The following AGBL4 variants were observed in gnomAD, a reference collection of about 807,000 sequenced individuals.
AGBL4 encodes cytosolic carboxypeptidase 6.
AGBL4 carries 58 observed loss-of-function variants against 66.4 expected under a neutral mutation model. That is an observed-to-expected ratio of 0.87 (90% confidence interval 0.71 to 1.09). The LOEUF is 1.09. Among genes scored for constraint, AGBL4 ranks in the 50% least tolerant of loss-of-function variants. The pLI is 0.00. For missense variants in AGBL4, 579 were observed against 631.0 expected (o/e 0.92, Z 0.88); for synonymous variants, 234 against 222.9 (o/e 1.05, Z -0.44).
chr1:48,975,773 A>T (rs80252829), intron 5 of AGBL4, among the ~76,000 whole-genome samples: 5,673 of 152,240 alleles, frequency 0.037, 148 homozygotes, highest in Non-Finnish European at 0.059. Context: ...TTCCTGCAGC[A>T]CTGTTTCTTT....
intron 5 of AGBL4, among the ~76,000 whole-genome samples, chr1:49,004,788 G>C (rs1571207956): frequency 6.6e-6 from 1 of 152,282 alleles, no homozygotes; most frequent in East Asian, 1.9e-4. Flanking sequence ...GAAATTCTTA[G>C]ACAACTTCAC....
At chr1:49,185,991 T>C (rs891994801) in intron 4 of AGBL4, among the ~76,000 whole-genome samples, 2 of 152,116 alleles carry the variant, frequency 1.3e-5, no homozygotes, top group African/African-American at 2.4e-5. Context: ...GCTCTCTGTA[T>C]ACACTCCTGC....
intron 2 of AGBL4, among the ~76,000 whole-genome samples, chr1:49,748,781 G>A (rs1227869473): frequency 1.3e-5 from 2 of 151,458 alleles, no homozygotes; most frequent in Non-Finnish European, 2.9e-5. Flanking sequence ...TTTTTCACAT[G>A]TTTGTTGGCT....
At chr1:49,885,358 T>C (rs534966307) in intron 1 of AGBL4, among the ~76,000 whole-genome samples, 1 of 152,136 alleles carries the variant, frequency 6.6e-6, no homozygotes, top group African/African-American at 2.4e-5. Flanking sequence ...GAAGATAATC[T>C]ATATGTTTGG....
intron 3 of AGBL4, among the ~76,000 whole-genome samples, chr1:49,405,046 A>G (rs1570637021): frequency 6.6e-6 from 1 of 152,188 alleles, no homozygotes; most frequent in East Asian, 1.9e-4. Flanking sequence ...GGAATGCTCA[A>G]CTTCCCTTTT....
chr1:48,722,452 A>T (rs1647167102), intron 6 of AGBL4, among the ~76,000 whole-genome samples: 1 of 152,100 alleles, frequency 6.6e-6, no homozygotes, highest in Non-Finnish European at 1.5e-5. Flanking sequence ...GCAGGTCAGT[A>T]TGACTACCCA....
chr1:49,757,079 T>A (rs1651942251), intron 2 of AGBL4, among the ~76,000 whole-genome samples: 1 of 152,068 alleles, frequency 6.6e-6, no homozygotes, highest in African/African-American at 2.4e-5. Flanking sequence ...TGGGGGCAGT[T>A]CCCTCATGCT....
At chr1:49,844,991 G>A (rs561037631) in intron 2 of AGBL4, 2 of 1,393,860 alleles carry the variant, frequency 1.4e-6, no homozygotes, top group African/African-American at 1.4e-5. Flanking sequence ...GAACAACAAG[G>A]CCCCCACACG....
chr1:49,394,037 C>A (rs762310878), intron 3 of AGBL4, among the ~76,000 whole-genome samples: 2 of 151,856 alleles, frequency 1.3e-5, no homozygotes, highest in Non-Finnish European at 2.9e-5. Flanking sequence ...ATCAAATTTC[C>A]CTTTTGATCT....
At chr1:49,627,141 C>G (rs893198290) in intron 3 of AGBL4, among the ~76,000 whole-genome samples, 4 of 152,058 alleles carry the variant, frequency 2.6e-5, no homozygotes, top group African/African-American at 9.7e-5. Flanking sequence ...ATGGCCACTT[C>G]TGAAGCCTGT....
intron 9 of AGBL4, among the ~76,000 whole-genome samples, chr1:48,598,262 T>C (rs1021891215): frequency 6.6e-6 from 1 of 152,158 alleles, no homozygotes; most frequent in South Asian, 2.1e-4. Context: ...AATGAGGCAG[T>C]TGAGACAGTT....
At chr1:49,632,279 A>G (rs1379648691) in intron 3 of AGBL4, among the ~76,000 whole-genome samples, 1 of 152,190 alleles carries the variant, frequency 6.6e-6, no homozygotes, top group Non-Finnish European at 1.5e-5. Context: ...TGCTATGTTA[A>G]CCCAATTATT....
intron 3 of AGBL4, among the ~76,000 whole-genome samples, chr1:49,602,200 G>T (rs945726433): frequency 5.3e-5 from 8 of 152,196 alleles, no homozygotes; most frequent in Non-Finnish European, 1.2e-4. Context: ...AACAATAGAT[G>T]CTGGAGAGGA....
intron 9 of AGBL4, among the ~76,000 whole-genome samples, chr1:48,610,595 C>T (rs1645222617): frequency 6.6e-6 from 1 of 152,174 alleles, no homozygotes; most frequent in African/African-American, 2.4e-5. Context: ...TGTCCCCTCC[C>T]CTGAAAACCT....
chr1:48,602,635 C>T (rs757556329), intron 9 of AGBL4, among the ~76,000 whole-genome samples: 2 of 152,100 alleles, frequency 1.3e-5, no homozygotes, highest in Non-Finnish European at 1.5e-5. Flanking sequence ...TTCGAGGGTG[C>T]CAACATTCAT....
At chr1:48,977,384 C>G (rs1659423240) in intron 5 of AGBL4, among the ~76,000 whole-genome samples, 1 of 152,058 alleles carries the variant, frequency 6.6e-6, no homozygotes, top group South Asian at 2.1e-4. Flanking sequence ...AGTTCCAGTT[C>G]CAGTTGGGAA....
chr1:49,314,630 T>C (rs772518059), intron 3 of AGBL4, among the ~76,000 whole-genome samples: 16 of 152,174 alleles, frequency 1.1e-4, no homozygotes, highest in Non-Finnish European at 2.2e-4. Flanking sequence ...CAGTCTATCA[T>C]TGATGAGCAT....
chr1:49,909,934 G>A (rs889360017), intron 1 of AGBL4, among the ~76,000 whole-genome samples: 6 of 152,118 alleles, frequency 3.9e-5, no homozygotes, highest in Admixed American at 2.0e-4. Context: ...GTTTATGTCT[G>A]GGCATATATG....
chr1:48,656,816 T>C (rs1422481110), intron 7 of AGBL4, among the ~76,000 whole-genome samples: 1 of 151,962 alleles, frequency 6.6e-6, no homozygotes, highest in Non-Finnish European at 1.5e-5. Context: ...CCGGGATTCA[T>C]AAAGAGGGGC....
Sources: allele counts gnomAD v4.1 joint callset (sites outside exome capture counted in the v4.1 genomes callset), GRCh38; gene constraint gnomAD v4.1.1; transcripts MANE v1.5; gene names NCBI Gene and HGNC (gene_info 2026-07-23, HGNC 2026-07-21).